Variants in KPNA3 observed in about 807,000 individuals in gnomAD.
The protein encoded by KPNA3 is karyopherin subunit alpha 3, also known as importin subunit alpha-4.
In KPNA3, 13 loss-of-function variants were observed where a neutral mutation model predicts 73.8. The ratio of observed to expected loss-of-function variants is 0.18; its 90% CI spans 0.11 to 0.28. The LOEUF (loss-of-function observed/expected upper bound fraction) is 0.28. Among genes scored for constraint, KPNA3 ranks in the 10% least tolerant of loss-of-function variants. KPNA3 has a pLI of 1.00. For missense variants in KPNA3, 360 were observed against 618.1 expected, an observed-to-expected ratio of 0.58 and a Z score of 4.43; for synonymous variants, 186 against 206.9, an observed-to-expected ratio of 0.90 and a Z score of 0.87.
chr13:49,735,872 T>C (rs1239490153), intron 2 of KPNA3, among the ~76,000 whole-genome samples: 2 of 152,198 alleles, frequency 1.3e-5, no homozygotes, highest in African/African-American at 4.8e-5. Context: ...ATATATTGTT[T>C]GAGTTAGTAA....
intron 1 of KPNA3, among the ~76,000 whole-genome samples, chr13:49,748,577 A>C (rs1409020681): frequency 6.6e-6 from 1 of 151,974 alleles, no homozygotes; most frequent in Non-Finnish European, 1.5e-5. Context: ...TCTTCTTAAG[A>C]AAAAAAATCT....
rs540882781 is a variant in KPNA3 at position 49,746,260 on chromosome 13, C to T, written c.114+689G>A. ...TCCAGGAATTCAAGGCCAGCCTGGG[C>T]AACATAGTGAGACCTAGTCTCTACA... On this transcript the variant is annotated intron_variant, in intron 2 of 16. Transcript: ENST00000261667. Among the ~76,000 whole-genome samples the T allele has an allele frequency of 7.9e-5, 12 of 152,120 alleles. No homozygotes were observed. The South Asian group carries it at 2.3e-3, about 29-fold the overall frequency.
intron 1 of KPNA3, among the ~76,000 whole-genome samples, chr13:49,756,274 AAAAC>A (rs1416448917): frequency 1.7e-4 from 26 of 152,062 alleles, no homozygotes; most frequent in African/African-American, 3.6e-4. Flanking sequence ...ACCCTGCCTC[AAAAC>A]AAACAAACAA....
intron 1 of KPNA3, among the ~76,000 whole-genome samples, chr13:49,784,893 C>A (rs144385211): frequency 5.5e-4 from 83 of 152,240 alleles, no homozygotes; most frequent in African/African-American, 1.7e-3. Context: ...AAAATAAAAT[C>A]TAATTAAAAT....
chr13:49,753,181 C>A (rs1050902419), intron 1 of KPNA3, among the ~76,000 whole-genome samples: 1 of 150,990 alleles, frequency 6.6e-6, no homozygotes, highest in African/African-American at 2.4e-5. Flanking sequence ...TCAAAAAAAA[C>A]TTCCTGAAAT....
rs118089754 is a variant in KPNA3 at position 49,786,732 on chromosome 13, G to A, written c.69+5706C>T. On this transcript the variant is annotated intron_variant, in intron 1 of 16. Transcript: ENST00000261667. ...ACAGCTGGCACAAAGGAGATATAAG[G>A]AAAAGTGCAAGGTGAGGTAAAAAAG... 5.3e-5 allele frequency among the ~76,000 whole-genome samples: 8 copies of A among 152,276 alleles called. No individual in the cohort carries two copies. The East Asian group carries it at 1.5e-3, about 29-fold the overall frequency.
intron 1 of KPNA3, among the ~76,000 whole-genome samples, chr13:49,753,402 G>C (rs180781990): frequency 6.6e-6 from 1 of 152,272 alleles, no homozygotes; most frequent in Admixed American, 6.5e-5. Context: ...AAGTATACAA[G>C]TGGCAAAACA....
intron 1 of KPNA3, among the ~76,000 whole-genome samples, chr13:49,780,746 A>C (rs2137603393): frequency 7.2e-6 from 1 of 138,848 alleles, no homozygotes; most frequent in Non-Finnish European, 1.5e-5. Flanking sequence ...TTTAAGATGG[A>C]GTCTCACTCC....
chr13:49,719,848 C>T lies in KPNA3; in HGVS notation c.727-29G>A, dbSNP rs2137542666. The stretch of plus-strand genomic sequence containing the variant: ...AGGAAAGAAAATAAACAATACTTAA[C>T]ATTAGTTAATTAATATGTCTGTAAA... On this transcript the variant is annotated intron_variant, in intron 9 of 16. Transcript: ENST00000261667. The T allele has an allele frequency of 2.8e-6, 4 of 1,423,662 alleles. No individual in the cohort carries two copies. In the South Asian group the frequency reaches 3.5e-5, roughly 12 times the overall value. 88.2% of individuals were successfully genotyped at this position (1,423,662 alleles called of 1,614,324 possible).
At chr13:49,719,867 C>G (rs749408337) in intron 9 of KPNA3, 48 bp from the exon 10 acceptor site, 48 of 1,235,580 alleles carry the variant, frequency 3.9e-5, no homozygotes, top group Admixed American at 7.4e-5. Context: ...ATTAATATGT[C>G]TGTAAAAATG....
chr13:49,730,623 TTTA>T (rs1192300533), intron 6 of KPNA3, among the ~76,000 whole-genome samples: 1 of 150,436 alleles, frequency 6.6e-6, no homozygotes, highest in Non-Finnish European at 1.5e-5. Flanking sequence ...TTATTTTATT[TTTA>T]TTATTATTAT....
intron 14 of KPNA3, 108 bp downstream of exon 14, chr13:49,705,987 AATT>A (rs1954203976): frequency 5.4e-6 from 6 of 1,117,288 alleles, no homozygotes; most frequent in South Asian, 3.1e-5. Flanking sequence ...AAATAATAAT[AATT>A]ATCTTTTCCC....
chr13:49,779,217 C>A (rs9568330), intron 1 of KPNA3, among the ~76,000 whole-genome samples: 64,804 of 151,838 alleles, frequency 0.43, 14,339 homozygotes, highest in South Asian at 0.59. Flanking sequence ...GAAAATTGTT[C>A]ATTACTGTTA....
chr13:49,769,831 C>T (rs78677266), intron 1 of KPNA3, among the ~76,000 whole-genome samples: 2,608 of 152,254 alleles, frequency 0.017, 61 homozygotes, highest in African/African-American at 0.059. Context: ...TCTCGAACTG[C>T]TATTTTCTAA....
intron 10 of KPNA3, among the ~76,000 whole-genome samples, chr13:49,713,674 C>CAAAA (rs202174090): frequency 1.4e-5 from 2 of 141,896 alleles, no homozygotes; most frequent in African/African-American, 2.6e-5. Flanking sequence ...CACACACACA[C>CAAAA]AAAACAGAAA....
intron 1 of KPNA3, among the ~76,000 whole-genome samples, chr13:49,787,043 A>C (rs1327063276): frequency 6.6e-6 from 1 of 152,238 alleles, no homozygotes; most frequent in African/African-American, 2.4e-5. Flanking sequence ...GGAGGGGAAG[A>C]GAAGGGAGTC....
chr13:49,783,443 C>G (rs1225019379), intron 1 of KPNA3, among the ~76,000 whole-genome samples: 1 of 151,990 alleles, frequency 6.6e-6, no homozygotes, highest in Non-Finnish European at 1.5e-5. Context: ...TCTGTATCCT[C>G]GGGGGGGTTG....
chr13:49,770,542 A>G (rs919910713), intron 1 of KPNA3, among the ~76,000 whole-genome samples: 22 of 151,916 alleles, frequency 1.4e-4, no homozygotes, highest in Non-Finnish European at 3.2e-4. Flanking sequence ...GATAAAGTCC[A>G]ATTTACCTAT....
At chr13:49,732,315 T>C (rs921415631) in intron 6 of KPNA3, 56 bp downstream of exon 6, 9 of 821,324 alleles carry the variant, frequency 1.1e-5, no homozygotes, top group Middle Eastern at 3.0e-4. Flanking sequence ...TAAGTAATAA[T>C]CCAAACTTTT....
Sources: gnomAD v4.1 joint callset for allele counts (sites outside exome capture counted in the v4.1 genomes callset) on GRCh38, gnomAD v4.1.1 for gene constraint, MANE v1.5 for transcripts, NCBI Gene and HGNC (gene_info 2026-07-23, HGNC 2026-07-21) for gene names.